The following CCDC88B variants were observed in gnomAD, a reference collection of about 807,000 sequenced individuals.
CCDC88B encodes coiled-coil and HOOK domain protein 88B, also known as coiled-coil domain-containing protein 88B.
Under a neutral mutation model 183.7 loss-of-function variants are expected in CCDC88B, and 138 were observed. The ratio of observed to expected loss-of-function variants is 0.75; its 90% confidence interval spans 0.65 to 0.87. The LOEUF (loss-of-function observed/expected upper bound fraction) is 0.87, where lower values mean the gene tolerates loss of function less well. CCDC88B is among the 40% of genes least tolerant of loss of function. CCDC88B has a pLI of 0.00. For synonymous variants in CCDC88B, 835 were observed against 867.5 expected (o/e 0.96, Z 0.66); for missense variants, 1,822 against 1,965.6 (o/e 0.93, Z 1.38).
In CCDC88B at chr11:64,357,064, A is replaced by C; in HGVS notation, c.4401A>C (p.Lys1467Asn). Residue 1467 changes from lysine to asparagine, a missense_variant, in exon 27 of 27, where the codon AAA (lysine) becomes AAC (asparagine). Physicochemically the swap from Lys to Asn is moderately conservative, Grantham distance 94 (BLOSUM62 0). Transcript: ENST00000356786. ...GCCCTGAGGTACAGGAACCGGAGAA[A>C]CGTCCCCTCACCCCATCCCTCAGCC... ...REGPEVQEPE[K>N]RPLTPSLSQ 6.2e-7 allele frequency: 1 copy of C among 1,605,018 alleles called. No individual in the cohort carries two copies. Among genetic ancestry groups the C allele is most frequent in the Non-Finnish European group, 8.5e-7 (1 of 1,174,536 alleles).
At chr11:64,345,202 C>A (rs573004353) in intron 14 of CCDC88B, 45 bp downstream of exon 14, 8 of 1,524,174 alleles carry the variant, frequency 5.2e-6, no homozygotes, top group South Asian at 1.2e-5. Context: ...AAGCAGAGTT[C>A]CAGGCTGTTG....
In CCDC88B at chr11:64,340,891, C is replaced by T. The variant is rs764685845; in HGVS notation, c.207-16C>T. The T allele has an allele frequency of 6.5e-7, 1 of 1,539,406 alleles. No homozygotes were observed. Among genetic ancestry groups the T allele is most frequent in the Non-Finnish European group, 8.7e-7 (1 of 1,142,942 alleles). On this transcript the variant is annotated splice_polypyrimidine_tract_variant and intron_variant, in intron 2 of 26. Coordinates refer to ENST00000356786, the MANE Select transcript of CCDC88B (RefSeq NM_032251.6). ...TTGACGGGAGGCGGGTCCTCGAGCC[C>T]ACCTCCGGCTCATAGTGCCCCCAGC...
chr11:64,342,300 G>C lies in CCDC88B; in HGVS notation c.828G>C (p.Glu276Asp). 6.3e-7 allele frequency: 1 copy of C among 1,589,090 alleles called. No individual in the cohort carries two copies. The highest frequency in any genetic ancestry group is 8.6e-7 in the Non-Finnish European group (1 of 1,168,426). ...QLRRLRQELE[E>D]KAELLLDSQA... is the part of the protein sequence containing the mutation. ...AGACTCCCCTTCCCTCCAGGGAGGA[G>C]AAGGCCGAGCTGCTGCTAGACTCCC... Residue 276 changes from glutamate to aspartate, a missense_variant, in exon 9 of 27, where the codon GAG (glutamate) becomes GAC (aspartate). Physicochemically the swap from Glu to Asp is conservative, Grantham distance 45 (BLOSUM62 2). Transcript: ENST00000356786.
chr11:64,342,972 CG>C (rs1038907808), intron 10 of CCDC88B, among the ~76,000 whole-genome samples: 4 of 95,728 alleles, frequency 4.2e-5, no homozygotes, highest in Non-Finnish European at 4.2e-5. Context: ...GCACAAAGGG[CG>C]GGGCCAGGGG....
intron 20 of CCDC88B, 38 bp downstream of exon 20, chr11:64,352,925 GC>G: frequency 6.5e-7 from 1 of 1,528,838 alleles, no homozygotes; most frequent in South Asian, 1.3e-5. Context: ...GCTCTCAGTG[GC>G]CCCATCCTGA....
intron 25 of CCDC88B, 59 bp downstream of exon 25, chr11:64,355,459 T>A (rs1167725195): frequency 1.3e-6 from 2 of 1,583,052 alleles, no homozygotes; most frequent in Non-Finnish European, 1.7e-6. Flanking sequence ...ACCCACCAGC[T>A]CCTTGGGGGA....
intron 18 of CCDC88B, 85 bp from the exon 19 acceptor site, chr11:64,352,045 C>T (rs1417374463): frequency 4.4e-5 from 66 of 1,496,016 alleles, no homozygotes; most frequent in Non-Finnish European, 5.6e-5. Context: ...TGGGCCCTAC[C>T]GTCTGCCCTT....
Position 64,343,299 on chromosome 11 carries a change from C to T in CCDC88B, c.1183C>T (p.Arg395Ter). 4.5e-6 allele frequency: 7 copies of T among 1,550,340 alleles called. No individual in the cohort carries two copies. Among genetic ancestry groups the T allele is most frequent in the Non-Finnish European group, 6.1e-6 (7 of 1,146,834 alleles). Residue 395 changes from arginine to a stop codon, truncating the protein, a stop_gained, in exon 11 of 27, where the codon CGA becomes TGA. Transcript: ENST00000356786. LOFTEE classifies it high-confidence loss of function. ...GACCCAGCGCGAGAACCTGCTGCTGCGAACCCGGCTGGGCGAGGCCCATGC... is the reference window on the plus strand; with the variant it reads ...GACCCAGCGCGAGAACCTGCTGCTGTGAACCCGGCTGGGCGAGGCCCATGC... ...HETQRENLLL[R>*]TRLGEAHAEL...
intron 16 of CCDC88B, 57 bp downstream of exon 16, chr11:64,349,725 A>G: frequency 2.7e-6 from 4 of 1,454,692 alleles, no homozygotes; most frequent in Non-Finnish European, 3.8e-6. Flanking sequence ...CCATCCCATG[A>G]GCAGATGCCA....
chr11:64,344,026 C>A lies in CCDC88B; in HGVS notation c.1485C>A (p.Asp495Glu). ...QHPLLEAPRE[D>E]PVLPVLEEAP... is the part of the protein sequence containing the mutation. ...CCCTGCTGGAGGCACCGAGAGAGGACCCTGTTCTTCCAGTGCTGGAGGAGG... is the reference window on the plus strand; with the variant it reads ...CCCTGCTGGAGGCACCGAGAGAGGAACCTGTTCTTCCAGTGCTGGAGGAGG... The change falls in exon 14 of 27, where the codon GAC becomes GAA. Residue 495 changes from aspartate (D) to glutamate (E), a missense_variant. Coordinates refer to ENST00000356786, the MANE Select transcript of CCDC88B (RefSeq NM_032251.6). The surrounding 1 kb of genome is among the most constrained non-coding windows in gnomAD (Gnocchi z 4.5). 6.4e-7 allele frequency: 1 copy of A among 1,568,402 alleles called. No homozygotes were observed. Among genetic ancestry groups the A allele is most frequent in the Non-Finnish European group, 8.7e-7 (1 of 1,155,934 alleles).
chr11:64,348,125 G>A (rs974188408), intron 14 of CCDC88B, among the ~76,000 whole-genome samples: 2 of 151,766 alleles, frequency 1.3e-5, no homozygotes, highest in African/African-American at 4.8e-5. Flanking sequence ...GGGAGCTTGG[G>A]GCAATGCCTG....
At position 64,352,176 on chromosome 11, in the gene CCDC88B, A is replaced by AGCTGGAGGT. The variant is rs772903066; in HGVS notation, c.3155_3163dup (p.Val1052_Glu1054dup). ...ATTCAGGGCCAGGAGCTGCACCGGA[A>AGCTGGAGGT]GCTGGAGGTGCTGGAGGAGGAGGTG... On this transcript the variant is annotated inframe_insertion, in exon 19 of 27. Transcript: ENST00000356786. 2 of 1,603,922 alleles carry AGCTGGAGGT rather than the reference A, an allele frequency of 1.2e-6. No homozygotes were observed. The highest frequency in any genetic ancestry group is 1.7e-6 in the Non-Finnish European group (2 of 1,172,654).
rs755978690 is a variant in CCDC88B, at chr11:64,344,797, C to T, written c.2256C>T (p.Ala752=). The T allele has an allele frequency of 1.9e-6, 3 of 1,613,472 alleles. No homozygotes were observed. Among genetic ancestry groups the T allele is most frequent in the South Asian group, 1.1e-5 (1 of 91,038 alleles). Residue 752 remains alanine, a synonymous_variant, in exon 14 of 27, where the codon GCC becomes GCT. Transcript: ENST00000356786. This position sits in a 1 kb window ranked among gnomAD's most constrained non-coding sequence, Gnocchi z 4.5. The part of the protein sequence containing the change: ...EALGDELEAQ[A]RKLEAQNTEA... ...TTGGAGATGAGCTGGAAGCCCAGGCCCGCAAGCTGGAGGCCCAAAACACGG... is the reference window on the plus strand; with the variant it reads ...TTGGAGATGAGCTGGAAGCCCAGGCTCGCAAGCTGGAGGCCCAAAACACGG...
Position 64,344,090 on chromosome 11 carries a change from G to A in CCDC88B, c.1549G>A (p.Gly517Ser). 3 of 1,612,834 alleles carry A rather than the reference G, an allele frequency of 1.9e-6. No homozygotes were observed. The highest frequency in any genetic ancestry group is 1.1e-5 in the South Asian group (1 of 90,998). Reference protein sequence around the residue: ...TPVAFDHSPQGLVQKARDGGP... With the variant: ...TPVAFDHSPQSLVQKARDGGP... ...TGTGGCCTTCGACCACAGCCCTCAG[G>A]GCTTGGTTCAGAAGGCAAGGGATGG... Residue 517 changes from glycine (G) to serine (S), a missense_variant, in exon 14 of 27, where the codon GGC becomes AGC. Gly to Ser is a moderately conservative substitution (Grantham distance 56). Transcript: ENST00000356786. The surrounding 1 kb of genome is among the most constrained non-coding windows in gnomAD (Gnocchi z 4.5).
In CCDC88B at chr11:64,342,104, C is replaced by T. The variant is rs1438960565; in HGVS notation, c.786C>T (p.Asn262=). 6.2e-7 allele frequency: 1 copy of T among 1,610,716 alleles called. No individual in the cohort carries two copies. The highest frequency in any genetic ancestry group is 8.5e-7 in the Non-Finnish European group (1 of 1,179,138). The change falls in exon 8 of 27, where the codon AAC becomes AAT. Residue 262 remains asparagine, a synonymous_variant. Coordinates refer to ENST00000356786, the MANE Select transcript of CCDC88B (RefSeq NM_032251.6). ...ACCATCTGGCCCTGCAGCTGGCCAA[C>T]GCCAAGGCTCAGCTGCGGCGTCTGC... ...PSHHLALQLA[N]AKAQLRRLRQ...
rs954698408 is a variant in CCDC88B, at chr11:64,351,214, G to A, written c.2917G>A (p.Val973Met). The A allele has an allele frequency of 2.6e-5, 39 of 1,528,836 alleles. No homozygotes were observed. The Admixed American group carries it at 8.4e-4, about 33-fold the overall frequency. 94.7% of individuals were successfully genotyped at this position (1,528,836 alleles called of 1,614,324 possible). A position where few individuals can be genotyped will look rare whatever the true frequency, so the allele number is the denominator to read the frequency against. Residue 973 changes from valine to methionine, a missense_variant, in exon 17 of 27, where the codon GTG becomes ATG. Coordinates refer to ENST00000356786, the MANE Select transcript of CCDC88B (RefSeq NM_032251.6). Reference sequence around the variant, plus strand: ...CAAAAAGCGTGCGGAGCCTCAGCTGGTGGAGACCCAGAATGTGCGGCTTAT... The same window carrying A: ...CAAAAAGCGTGCGGAGCCTCAGCTGATGGAGACCCAGAATGTGCGGCTTAT... ...GPKKRAEPQL[V>M]ETQNVRLIEV...
intron 10 of CCDC88B, 78 bp downstream of exon 10, chr11:64,342,758 G>C: frequency 7.1e-7 from 1 of 1,411,930 alleles, no homozygotes; most frequent in Non-Finnish European, 9.3e-7. Flanking sequence ...TGGGTCCCGA[G>C]GGCAGAGAGG....
At chr11:64,346,471 C>T (rs375664527) in intron 14 of CCDC88B, among the ~76,000 whole-genome samples, 1 of 149,512 alleles carries the variant, frequency 6.7e-6, no homozygotes, top group African/African-American at 2.5e-5. Context: ...GACGGAGTCT[C>T]GCTCTTTCGC....
chr11:64,352,934 T>C (rs752550959), intron 20 of CCDC88B, 47 bp downstream of exon 20: 1 of 1,521,540 alleles, frequency 6.6e-7, no homozygotes, highest in Non-Finnish European at 8.8e-7. Flanking sequence ...GGCCCCATCC[T>C]GAAAGTGGGT....
Sources: allele counts gnomAD v4.1 joint callset (sites outside exome capture counted in the v4.1 genomes callset), GRCh38; gene constraint gnomAD v4.1.1; non-coding constraint Gnocchi (gnomAD v3.1); transcripts MANE v1.5; gene names NCBI Gene and HGNC (gene_info 2026-07-23, HGNC 2026-07-21).